Variants in MARCHF2 observed in about 807,000 individuals in gnomAD.
The protein encoded by MARCHF2 is membrane associated ring-CH-type finger 2, also known as E3 ubiquitin-protein ligase MARCHF2.
A neutral mutation model predicts 24.0 loss-of-function variants in MARCHF2; 22 were observed. The observed-to-expected ratio is 0.92, with a 90% CI of 0.66 to 1.31. The LOEUF is 1.31. MARCHF2 is among the 50% of genes most tolerant of loss of function. The pLI is 0.00. For synonymous variants in MARCHF2, 154 were observed against 153.0 expected (o/e 1.01, Z -0.05); for missense variants, 301 against 335.3 (o/e 0.90, Z 0.80).
intron 4 of MARCHF2, among the ~76,000 whole-genome samples, chr19:8,436,433 A>G (rs2145574159): frequency 6.6e-6 from 1 of 151,748 alleles, no homozygotes; most frequent in East Asian, 2.0e-4. Context: ...GCACCCAGCC[A>G]TATTCACCAT....
At chr19:8,435,877 G>A (rs1033823523) in intron 4 of MARCHF2, among the ~76,000 whole-genome samples, 3 of 150,326 alleles carry the variant, frequency 2.0e-5, no homozygotes, top group African/African-American at 7.3e-5. Context: ...GCGGGGAGGG[G>A]ATAGGATTGT....
chr19:8,434,585 A>G (rs944378712), intron 4 of MARCHF2, among the ~76,000 whole-genome samples: 3 of 151,982 alleles, frequency 2.0e-5, no homozygotes, highest in Admixed American at 1.3e-4. Context: ...ATTTTTTCCA[A>G]TGTGTGTGTG....
chr19:8,414,607 T>C (rs1295297103), intron 1 of MARCHF2, among the ~76,000 whole-genome samples: 1 of 152,160 alleles, frequency 6.6e-6, no homozygotes, highest in East Asian at 1.9e-4. Context: ...ATGATAATAC[T>C]GAGGCTGAGA....
At chr19:8,418,705 AC>A (rs1391967233) in intron 1 of MARCHF2, 1 of 151,390 alleles carries the variant, frequency 6.6e-6, no homozygotes, top group African/African-American at 2.4e-5. Context: ...ATTCAAAAAA[AC>A]CTTCAGAGAG....
chr19:8,425,297 G>C (rs967682294), intron 2 of MARCHF2, among the ~76,000 whole-genome samples: 2 of 151,978 alleles, frequency 1.3e-5, no homozygotes, highest in Non-Finnish European at 2.9e-5. Flanking sequence ...CTACTCGGGA[G>C]GCTGAGGCAG....
chr19:8,418,580 A>G (rs1180068634), intron 1 of MARCHF2: 1 of 152,528 alleles, frequency 6.6e-6, no homozygotes, highest in Non-Finnish European at 1.5e-5. Flanking sequence ...GCTGGAGTGC[A>G]GTGGTGTGAT....
chr19:8,416,422 G>T (rs1599697326), intron 1 of MARCHF2, among the ~76,000 whole-genome samples: 1 of 152,172 alleles, frequency 6.6e-6, no homozygotes, highest in African/African-American at 2.4e-5. Context: ...CCAGGTGCTG[G>T]GGACAGCGGG....
chr19:8,426,790 C>G lies in MARCHF2; in HGVS notation c.358C>G (p.Arg120Gly). 6.2e-7 allele frequency: 1 copy of G among 1,612,066 alleles called. No individual in the cohort carries two copies. The highest frequency in any genetic ancestry group is 8.5e-7 in the Non-Finnish European group (1 of 1,179,942). Residue 120 changes from arginine to glycine, a missense_variant, in exon 3 of 5, where the codon CGA becomes GGA. By Grantham distance (125) the Arg-to-Gly change is moderately radical. Coordinates refer to ENST00000215555, the MANE Select transcript of MARCHF2 (RefSeq NM_001005415.2). ...HTEFAVEKRP[R>G]PLTEWLKDPG... ...GGAGTTTGCAGTGGAGAAACGGCCT[C>G]GACCCCTCACAGAGGTACCCTTAAG...
chr19:8,427,266 C>T (rs930932586), intron 3 of MARCHF2, among the ~76,000 whole-genome samples: 1 of 151,884 alleles, frequency 6.6e-6, no homozygotes, highest in Non-Finnish European at 1.5e-5. Flanking sequence ...CCAGGCTGGT[C>T]TCGAACTCCT....
intron 4 of MARCHF2, among the ~76,000 whole-genome samples, chr19:8,435,813 G>A (rs548432824): frequency 4.7e-5 from 7 of 150,282 alleles, no homozygotes; most frequent in African/African-American, 1.7e-4. Flanking sequence ...ATAGGTGTGA[G>A]CCACTGCACC....
intron 4 of MARCHF2, among the ~76,000 whole-genome samples, chr19:8,437,296 CT>C (rs888318916): frequency 3.3e-5 from 5 of 150,964 alleles, no homozygotes; most frequent in African/African-American, 1.2e-4. Flanking sequence ...CTTTTTAGCA[CT>C]GAATAAGATC....
intron 2 of MARCHF2, among the ~76,000 whole-genome samples, chr19:8,425,801 G>C (rs1473641693): frequency 2.0e-5 from 3 of 151,718 alleles, no homozygotes; most frequent in African/African-American, 7.3e-5. Context: ...ATTTTTAGTA[G>C]AGACGGGGTT....
At chr19:8,432,660 A>G (rs1430374911) in intron 4 of MARCHF2, among the ~76,000 whole-genome samples, 1 of 150,926 alleles carries the variant, frequency 6.6e-6, no homozygotes, top group Non-Finnish European at 1.5e-5. Flanking sequence ...GCATGGTGGC[A>G]CATGCCTGTA....
At chr19:8,414,570 G>A (rs563218141) in intron 1 of MARCHF2, among the ~76,000 whole-genome samples, 2 of 152,144 alleles carry the variant, frequency 1.3e-5, no homozygotes, top group Non-Finnish European at 2.9e-5. Flanking sequence ...GAGCCACTGC[G>A]CCCGGCCTGT....
intron 4 of MARCHF2, among the ~76,000 whole-genome samples, chr19:8,433,923 G>A (rs1967646504): frequency 6.9e-6 from 1 of 145,262 alleles, no homozygotes; most frequent in African/African-American, 2.8e-5. Flanking sequence ...AGAATGATGG[G>A]GGTGTGAGGT....
chr19:8,424,536 C>T (rs555660364), intron 2 of MARCHF2, among the ~76,000 whole-genome samples: 5 of 151,782 alleles, frequency 3.3e-5, no homozygotes, highest in East Asian at 3.9e-4. Flanking sequence ...GCGTGGTGGC[C>T]GGCGCCTGTA....
chr19:8,421,272 G>A (rs2145542794), intron 1 of MARCHF2, among the ~76,000 whole-genome samples: 1 of 151,686 alleles, frequency 6.6e-6, no homozygotes, highest in East Asian at 1.9e-4. Flanking sequence ...ACAGGCGCGT[G>A]CCACCAAGCC....
intron 2 of MARCHF2, among the ~76,000 whole-genome samples, chr19:8,424,727 G>T (rs1268192026): frequency 6.6e-6 from 1 of 151,982 alleles, no homozygotes; most frequent in East Asian, 1.9e-4. Flanking sequence ...CTCTGTGCTG[G>T]CATCATTCAC....
At position 8,431,524 on chromosome 19, in the gene MARCHF2, A is replaced by G. The variant is rs559158589; in HGVS notation, c.582+657A>G. 7.1e-4 allele frequency among the ~76,000 whole-genome samples: 105 copies of G among 148,588 alleles called. 2 individuals are homozygous for G. Among genetic ancestry groups the G allele is most frequent in the Admixed American group, 6.7e-3 (98 of 14,710 alleles). ...AAAAAAAAAAAAAAAAAAAAAGGAAAAAAGAAAAAAGAAAGAAATTGAAAG... is the reference window on the plus strand; with the variant it reads ...AAAAAAAAAAAAAAAAAAAAAGGAAGAAAGAAAAAAGAAAGAAATTGAAAG... On this transcript the variant is annotated intron_variant, in intron 4 of 4. Transcript: ENST00000215555.
Sources: allele counts gnomAD v4.1 joint callset (sites outside exome capture counted in the v4.1 genomes callset), GRCh38; gene constraint gnomAD v4.1.1; transcripts MANE v1.5; gene names NCBI Gene and HGNC (gene_info 2026-07-23, HGNC 2026-07-21).